PEX5L: variants seen among roughly 807,000 people sequenced by gnomAD.
PEX5L encodes PEX5-related protein.
In PEX5L, 30 loss-of-function variants were observed where a neutral mutation model predicts 84.0. That is an observed-to-expected ratio of 0.36 (90% CI 0.27 to 0.48). The LOEUF (loss-of-function observed/expected upper bound fraction) is 0.48, where lower values mean the gene tolerates loss of function less well. Ranked by LOEUF, PEX5L falls within the 20% of genes least tolerant of loss-of-function variation. PEX5L has a pLI of 0.99. For missense variants in PEX5L, 533 were observed against 754.6 expected, an observed-to-expected ratio of 0.71 and a Z score of 3.44; for synonymous variants, 270 against 283.1, an observed-to-expected ratio of 0.95 and a Z score of 0.46.
At chr3:179,907,898 T>C (rs1763820422) in intron 2 of PEX5L, among the ~76,000 whole-genome samples, 1 of 152,144 alleles carries the variant, frequency 6.6e-6, no homozygotes, top group South Asian at 2.1e-4. Context: ...GGTGCAAGTG[T>C]TTTTATCAGC....
intron 2 of PEX5L, among the ~76,000 whole-genome samples, chr3:179,946,062 T>C (rs1325874126): frequency 6.6e-6 from 1 of 152,108 alleles, no homozygotes; most frequent in East Asian, 1.9e-4. Flanking sequence ...TATTCATTCT[T>C]TATTTGCCAC....
chr3:179,905,946 T>C (rs1763055729), intron 2 of PEX5L, among the ~76,000 whole-genome samples: 1 of 152,220 alleles, frequency 6.6e-6, no homozygotes, highest in Non-Finnish European at 1.5e-5. Context: ...TTCAAATTAT[T>C]TCATACTGAA....
At chr3:179,844,164 C>T (rs904839739) in intron 8 of PEX5L, among the ~76,000 whole-genome samples, 6 of 152,116 alleles carry the variant, frequency 3.9e-5, no homozygotes, top group Non-Finnish European at 8.8e-5. Flanking sequence ...TATTTGAGTG[C>T]GTGTGTGCAT....
At position 179,859,167 on chromosome 3, in the gene PEX5L, A is replaced by G. The variant is rs146238050; in HGVS notation, c.727-10T>C. ...CTTTGGTCAGTCGAGCCTGAAATCA[A>G]TCATACACATAGTGTTATAATATTA... On this transcript the variant is annotated splice_polypyrimidine_tract_variant and intron_variant, in intron 7 of 14. Transcript: ENST00000467460. 1.9e-6 allele frequency: 3 copies of G among 1,579,946 alleles called. No homozygotes were observed. The highest frequency in any genetic ancestry group is 2.7e-5 in the African/African-American group (2 of 74,408).
In PEX5L at chr3:180,007,607, C is replaced by CT. The variant is rs372238518; in HGVS notation, c.21+28971dup. On this transcript the variant is annotated intron_variant, in intron 1 of 14. Coordinates refer to ENST00000467460, the MANE Select transcript of PEX5L (RefSeq NM_016559.3). ...GAAGTTCTCCATGAGGGCCCTGCCC[C>CT]TGCAGCAAACTTTTGCCTGGGCATC... Among the ~76,000 whole-genome samples, 646 of 152,368 alleles carry CT rather than the reference C, an allele frequency of 4.2e-3. 11 individuals carry two copies. The highest frequency in any genetic ancestry group is 0.015 in the African/African-American group (619 of 41,594).
At chr3:179,968,473 T>A (rs1391495758) in intron 2 of PEX5L, among the ~76,000 whole-genome samples, 1 of 152,148 alleles carries the variant, frequency 6.6e-6, no homozygotes, top group Non-Finnish European at 1.5e-5. Context: ...CCATAATAGA[T>A]GTTTAAAATT....
intron 8 of PEX5L, among the ~76,000 whole-genome samples, chr3:179,847,313 G>A (rs1739900571): frequency 6.6e-6 from 1 of 151,772 alleles, no homozygotes; most frequent in Admixed American, 6.6e-5. Context: ...TACAGATATT[G>A]GTATACAGCT....
At position 179,809,671 on chromosome 3, in the gene PEX5L, G is replaced by A. The variant is rs368777277; in HGVS notation, c.1155-3C>T. On this transcript the variant is annotated splice_region_variant and splice_polypyrimidine_tract_variant and intron_variant, in intron 11 of 14. Coordinates refer to ENST00000467460, the MANE Select transcript of PEX5L (RefSeq NM_016559.3). ...TGTTGGGCTGTAATTCTAAGCACCTGAAAAAAAAAAAGAAGCCAATTTCAG... is the reference window on the plus strand; with the variant it reads ...TGTTGGGCTGTAATTCTAAGCACCTAAAAAAAAAAAAGAAGCCAATTTCAG... The A allele has an allele frequency of 1.0e-4, 139 of 1,391,798 alleles. No homozygotes were observed. The highest frequency in any genetic ancestry group is 4.1e-4 in the African/African-American group (28 of 67,712). 86.2% of individuals were successfully genotyped at this position (1,391,798 alleles called of 1,614,324 possible). A position where few individuals can be genotyped will look rare whatever the true frequency, so the allele number is the denominator to read the frequency against.
chr3:179,971,193 T>TC (rs374504805), intron 2 of PEX5L, among the ~76,000 whole-genome samples: 4 of 151,700 alleles, frequency 2.6e-5, no homozygotes, highest in South Asian at 4.2e-4. Flanking sequence ...TTTTCTCTCT[T>TC]TCTCTCTCTC....
intron 1 of PEX5L, among the ~76,000 whole-genome samples, chr3:180,004,424 G>A (rs1788690400): frequency 6.6e-6 from 1 of 152,132 alleles, no homozygotes; most frequent in African/African-American, 2.4e-5. Flanking sequence ...AATCTTTTTG[G>A]TCAAGCTAAT....
At chr3:179,969,518 C>T (rs1012836376) in intron 2 of PEX5L, among the ~76,000 whole-genome samples, 17 of 151,988 alleles carry the variant, frequency 1.1e-4, no homozygotes, top group Admixed American at 8.5e-4. Context: ...TTTCTTATAG[C>T]TTTATAAAGA....
chr3:179,994,366 G>A (rs1052800279), intron 1 of PEX5L, among the ~76,000 whole-genome samples: 2 of 152,210 alleles, frequency 1.3e-5, no homozygotes, highest in Non-Finnish European at 2.9e-5. Context: ...GATGTCTTCT[G>A]GTTGTGGGAA....
At chr3:179,815,732 G>T in intron 10 of PEX5L, 129 bp downstream of exon 10, 1 of 971,548 alleles carries the variant, frequency 1.0e-6, no homozygotes, top group Non-Finnish European at 1.6e-6. Flanking sequence ...TAAACAAGTA[G>T]ACTAAGCTAG....
intron 1 of PEX5L, among the ~76,000 whole-genome samples, chr3:180,000,497 A>G (rs1788297854): frequency 6.6e-6 from 1 of 152,196 alleles, no homozygotes; most frequent in Non-Finnish European, 1.5e-5. Context: ...TCCTCCAGGA[A>G]AAAAAACCAC....
At chr3:179,845,798 C>T (rs949981600) in intron 8 of PEX5L, among the ~76,000 whole-genome samples, 7 of 152,176 alleles carry the variant, frequency 4.6e-5, no homozygotes, top group African/African-American at 1.7e-4. Flanking sequence ...TGGTATGAGG[C>T]CCAAACTTTA....
At chr3:179,944,009 C>A (rs73060766) in intron 2 of PEX5L, among the ~76,000 whole-genome samples, 38,513 of 150,812 alleles carry the variant, frequency 0.26, 5,428 homozygotes, top group African/African-American at 0.36. Flanking sequence ...CTCCCCCCCC[C>A]AAAAAACTGA....
At chr3:180,026,556 C>T (rs1013713726) in intron 1 of PEX5L, among the ~76,000 whole-genome samples, 7 of 152,140 alleles carry the variant, frequency 4.6e-5, no homozygotes, top group Non-Finnish European at 8.8e-5. Flanking sequence ...CTTTATATGG[C>T]TCTTTCTAAT....
chr3:179,835,230 C>T (rs990611513), intron 8 of PEX5L, among the ~76,000 whole-genome samples: 3 of 152,158 alleles, frequency 2.0e-5, no homozygotes, highest in African/African-American at 7.2e-5. Flanking sequence ...CACTCTTGTC[C>T]TGGTGCTACC....
chr3:179,971,127 A>G (rs1347087575), intron 2 of PEX5L, among the ~76,000 whole-genome samples: 3 of 152,060 alleles, frequency 2.0e-5, no homozygotes, highest in Non-Finnish European at 2.9e-5. Context: ...CTTTATATAT[A>G]TTGCAGACAA....
Sources: allele counts gnomAD v4.1 joint callset (sites outside exome capture counted in the v4.1 genomes callset), GRCh38; gene constraint gnomAD v4.1.1; transcripts MANE v1.5; gene names NCBI Gene and HGNC (gene_info 2026-07-23, HGNC 2026-07-21).